The following ASAP2 variants were observed in gnomAD, a reference collection of about 807,000 sequenced individuals.
ASAP2 encodes the protein arf-GAP with SH3 domain, ANK repeat and PH domain-containing protein 2.
Under a neutral mutation model 131.4 loss-of-function variants are expected in ASAP2, and 45 were observed. That is an observed-to-expected ratio of 0.34 (90% CI 0.27 to 0.44). ASAP2 has a LOEUF of 0.44. ASAP2 is among the 20% of genes least tolerant of loss of function. The pLI, the probability that ASAP2 is intolerant of heterozygous loss-of-function variation, is 1.00. For synonymous variants in ASAP2, 510 were observed against 503.0 expected (o/e 1.01, Z -0.19); for missense variants, 1,011 against 1,297.0 (o/e 0.78, Z 3.39).
intron 23 of ASAP2, among the ~76,000 whole-genome samples, chr2:9,393,089 T>C (rs1675846233): frequency 2.0e-5 from 3 of 152,180 alleles, no homozygotes; most frequent in Non-Finnish European, 4.4e-5. Flanking sequence ...GCCTCATCCC[T>C]TTGGCCACAG....
At position 9,239,647 on chromosome 2, in the gene ASAP2, C is replaced by T. The variant is rs79865770; in HGVS notation, c.126+32417C>T. Among the ~76,000 whole-genome samples the T allele has an allele frequency of 3.0e-3, 460 of 152,148 alleles. 4 individuals carry two copies. Among genetic ancestry groups the T allele is most frequent in the African/African-American group, 0.01 (432 of 41,484 alleles). On this transcript the variant is annotated intron_variant, in intron 1 of 27. Transcript: ENST00000281419. Reference sequence around the variant, plus strand: ...TATTAACCGAGCACCATTTATGTGCCGGCCATTTGGACCCATCTAAGGGGC... The same window carrying T: ...TATTAACCGAGCACCATTTATGTGCTGGCCATTTGGACCCATCTAAGGGGC...
intron 16 of ASAP2, among the ~76,000 whole-genome samples, chr2:9,372,544 C>T (rs909343485): frequency 6.6e-6 from 1 of 152,160 alleles, no homozygotes; most frequent in Non-Finnish European, 1.5e-5. Flanking sequence ...TATTTCTGAT[C>T]ATGAGAACAT....
intron 1 of ASAP2, among the ~76,000 whole-genome samples, chr2:9,237,273 C>A (rs1663619447): frequency 6.6e-6 from 1 of 152,122 alleles, no homozygotes; most frequent in Admixed American, 6.5e-5. Context: ...TTTAACAGGG[C>A]CTCAACTCCT....
In ASAP2 at chr2:9,335,188, A is replaced by G. The variant is rs1671119187; in HGVS notation, c.849+9A>G. On this transcript the variant is annotated intron_variant, in intron 9 of 27. Coordinates refer to ENST00000281419, the MANE Select transcript of ASAP2 (RefSeq NM_003887.3). ...AGGTTGAACAGAAAGAGGTGAGGGG[A>G]TTTAATTTTGAAAGATTGCAGTTTT... The G allele has an allele frequency of 6.2e-7, 1 of 1,613,148 alleles. No homozygotes were observed. Among genetic ancestry groups the G allele is most frequent in the Non-Finnish European group, 8.5e-7 (1 of 1,179,202 alleles).
intron 1 of ASAP2, among the ~76,000 whole-genome samples, chr2:9,220,312 A>G (rs932163745): frequency 2.0e-5 from 3 of 152,246 alleles, no homozygotes; most frequent in African/African-American, 4.8e-5. Flanking sequence ...ACTGTTTGCC[A>G]AAGAGGCTGC....
chr2:9,375,878 G>A (rs1345346735), intron 17 of ASAP2, among the ~76,000 whole-genome samples: 2 of 152,236 alleles, frequency 1.3e-5, no homozygotes, highest in Admixed American at 6.5e-5. Context: ...CCCCTCAGAG[G>A]GAATAGAGTA....
chr2:9,383,239 A>G (rs1675006646), intron 20 of ASAP2, among the ~76,000 whole-genome samples: 1 of 151,878 alleles, frequency 6.6e-6, no homozygotes, highest in Admixed American at 6.6e-5. Context: ...GGGAAGTCAC[A>G]AGTATCGTGG....
chr2:9,251,650 T>TG (rs142012658), intron 1 of ASAP2, among the ~76,000 whole-genome samples: 1 of 152,038 alleles, frequency 6.6e-6, no homozygotes, highest in Non-Finnish European at 1.5e-5. Context: ...AGGGAGCAGC[T>TG]GGGGGGCGCA....
chr2:9,326,999 G>A (rs1250552325), intron 6 of ASAP2, among the ~76,000 whole-genome samples: 1 of 152,154 alleles, frequency 6.6e-6, no homozygotes, highest in Non-Finnish European at 1.5e-5. Context: ...AAGAAAGAGG[G>A]AAAGAAGGAC....
Position 9,393,544 on chromosome 2 carries a change from A to C in ASAP2, c.2581A>C (p.Ser861Arg). The C allele has an allele frequency of 6.3e-7, 1 of 1,593,908 alleles. No homozygotes were observed. The highest frequency in any genetic ancestry group is 1.1e-5 in the South Asian group (1 of 88,822). ...GACGCCCAGCGTAATGGAAGCCTTG[A>C]GCCAGCCGAGCAAGCCTGCCCCGCC... The part of the protein sequence containing the change: ...AKTPSVMEAL[S>R]QPSKPAPPGI... Residue 861 changes from serine (S) to arginine (R), a missense_variant, in exon 24 of 28, where the codon AGC (serine) becomes CGC (arginine). Around this residue, in one of 2 missense-constraint regions of ASAP2, gnomAD observed 652 missense variants for 698.9 expected, o/e 0.93. Coordinates refer to ENST00000281419, the MANE Select transcript of ASAP2 (RefSeq NM_003887.3).
At chr2:9,395,585 G>GTTTTTTTTTTTTTTTTTTTTTTTTTTT (rs1312749688) in intron 24 of ASAP2, among the ~76,000 whole-genome samples, 2 of 76,218 alleles carry the variant, frequency 2.6e-5, no homozygotes, top group Non-Finnish European at 6.4e-5. Context: ...TTTTTCTTGT[G>GTTTTTTTTTTTTTTTTTTTTTTTTTTT]TTTTTTTTCT....
At chr2:9,288,978 C>G (rs1667630920) in intron 2 of ASAP2, among the ~76,000 whole-genome samples, 1 of 152,168 alleles carries the variant, frequency 6.6e-6, no homozygotes, top group Non-Finnish European at 1.5e-5. Flanking sequence ...CTCCAAGAAG[C>G]CTTTTCTGTT....
intron 1 of ASAP2, among the ~76,000 whole-genome samples, chr2:9,275,468 C>T (rs2148286546): frequency 6.6e-6 from 1 of 152,324 alleles, no homozygotes; most frequent in East Asian, 1.9e-4. Flanking sequence ...GGGCTGAAAT[C>T]TGGTTGAGAG....
intron 1 of ASAP2, among the ~76,000 whole-genome samples, chr2:9,272,179 G>A (rs540166095): frequency 6.6e-6 from 1 of 152,250 alleles, no homozygotes; most frequent in South Asian, 2.1e-4. Context: ...CCCACCAATA[G>A]TGTACAGGGG....
rs772831269 is a variant in ASAP2 at position 9,281,800 on chromosome 2, G to A, written c.199+2411G>A. Among the ~76,000 whole-genome samples, 1 of 152,182 alleles carries A rather than the reference G, an allele frequency of 6.6e-6. No homozygotes were observed. The highest frequency in any genetic ancestry group is 1.5e-5 in the Non-Finnish European group (1 of 68,030). On this transcript the variant is annotated intron_variant, in intron 2 of 27. Coordinates refer to ENST00000281419, the MANE Select transcript of ASAP2 (RefSeq NM_003887.3). This position sits in a 1 kb window ranked among gnomAD's most constrained non-coding sequence, Gnocchi z 4.0. ...ACCCTTTCCCAATTCATCTGTCGAT[G>A]AAACTGTCACTGCCTCCCCTGATCA... is the stretch of plus-strand genomic sequence containing the variant.
chr2:9,226,165 G>A lies in ASAP2; in HGVS notation c.126+18935G>A, dbSNP rs74728479. On this transcript the variant is annotated intron_variant, in intron 1 of 27. Coordinates refer to ENST00000281419, the MANE Select transcript of ASAP2 (RefSeq NM_003887.3). Reference sequence around the variant, plus strand: ...TGAAGTCCCACAGCTGGCTGGCCACGTAGACGATAATGCTGTACACCAGAA... The same window carrying A: ...TGAAGTCCCACAGCTGGCTGGCCACATAGACGATAATGCTGTACACCAGAA... Among the ~76,000 whole-genome samples, 11 of 152,306 alleles carry A rather than the reference G, an allele frequency of 7.2e-5. No homozygotes were observed. In the East Asian group the frequency reaches 7.7e-4, roughly 11 times the overall value.
intron 1 of ASAP2, among the ~76,000 whole-genome samples, chr2:9,266,019 C>T (rs997510186): frequency 2.0e-5 from 2 of 100,856 alleles, no homozygotes; most frequent in Non-Finnish European, 5.4e-5. Flanking sequence ...AGTGATCCAC[C>T]CCCCCACCCC....
intron 1 of ASAP2, among the ~76,000 whole-genome samples, chr2:9,240,568 T>A (rs977607289): frequency 2.6e-5 from 4 of 152,176 alleles, no homozygotes; most frequent in Admixed American, 2.6e-4. Context: ...TAATGATTTT[T>A]CCATCATAAC....
intron 12 of ASAP2, among the ~76,000 whole-genome samples, chr2:9,355,467 GCA>G (rs1187498083): frequency 6.6e-6 from 1 of 152,064 alleles, no homozygotes; most frequent in Admixed American, 6.6e-5. Flanking sequence ...CCTCCCTGCT[GCA>G]CACACACACA....
Sources: allele counts gnomAD v4.1 joint callset (sites outside exome capture counted in the v4.1 genomes callset), GRCh38; gene constraint gnomAD v4.1.1; regional missense constraint gnomAD v4.1.1; non-coding constraint Gnocchi (gnomAD v3.1); transcripts MANE v1.5; gene names NCBI Gene and HGNC (gene_info 2026-07-23, HGNC 2026-07-21).